The following EGFR variants were observed in gnomAD, a reference collection of about 807,000 sequenced individuals.
EGFR encodes the protein epidermal growth factor receptor.
EGFR carries 58 observed loss-of-function variants against 143.0 expected under a neutral mutation model. That is an observed-to-expected ratio of 0.41 (90% CI 0.33 to 0.50). The LOEUF (loss-of-function observed/expected upper bound fraction) is 0.50. EGFR is among the 20% of genes least tolerant of loss of function. The probability of loss-of-function intolerance (pLI) is 0.39; values close to 1 mark genes in which losing one functional copy is unlikely to be tolerated. For synonymous variants in EGFR, 613 were observed against 594.4 expected, an observed-to-expected ratio of 1.03 and a Z score of -0.45; for missense variants, 1,307 against 1,579.0, an observed-to-expected ratio of 0.83 and a Z score of 2.92.
At chr7:55,165,640 C>G (rs552226961) in intron 15 of EGFR, among the ~76,000 whole-genome samples, 1 of 152,166 alleles carries the variant, frequency 6.6e-6, no homozygotes, top group Admixed American at 6.5e-5. Context: ...TGCCATGCAC[C>G]GTGTCCCCGG....
chr7:55,058,055 A>G (rs1788933302), intron 1 of EGFR, among the ~76,000 whole-genome samples: 1 of 152,214 alleles, frequency 6.6e-6, no homozygotes, highest in Admixed American at 6.5e-5. Context: ...TTGACCCACC[A>G]ATCTCATTAC....
At chr7:55,143,971 G>A (rs541767668) in intron 3 of EGFR, among the ~76,000 whole-genome samples, 1 of 152,278 alleles carries the variant, frequency 6.6e-6, no homozygotes, top group East Asian at 1.9e-4. Flanking sequence ...CTAGAACTTT[G>A]AATTTTTGTG....
chr7:55,042,703 A>G (rs1477863218), intron 1 of EGFR, among the ~76,000 whole-genome samples: 2 of 152,148 alleles, frequency 1.3e-5, no homozygotes, highest in African/African-American at 2.4e-5. Context: ...GACATAACAT[A>G]TAGGGGAATC....
chr7:55,172,819 T>C (rs1255615926), intron 16 of EGFR, 164 bp from the exon 17 acceptor site: 1 of 1,548,240 alleles, frequency 6.5e-7, no homozygotes, highest in Non-Finnish European at 8.7e-7. Context: ...AAACGTTGCC[T>C]TAGAAGCCTG....
At chr7:55,192,583 C>T in intron 21 of EGFR, among the ~76,000 whole-genome samples, 183 bp from the exon 22 acceptor site, 1 of 152,196 alleles carries the variant, frequency 6.6e-6, no homozygotes, top group East Asian at 1.9e-4. Context: ...CCAGAGCAGC[C>T]CTGAACTCCG....
intron 19 of EGFR, among the ~76,000 whole-genome samples, chr7:55,178,433 G>A (rs1190197228): frequency 6.6e-6 from 1 of 152,186 alleles, no homozygotes; most frequent in East Asian, 1.9e-4. Flanking sequence ...CACCCAACAG[G>A]CCCCACAGGC....
At chr7:55,046,395 A>G (rs1334393338) in intron 1 of EGFR, among the ~76,000 whole-genome samples, 1 of 152,164 alleles carries the variant, frequency 6.6e-6, no homozygotes, top group Non-Finnish European at 1.5e-5. Flanking sequence ...CCTACTTCCA[A>G]AATAATGAAG....
At chr7:55,040,583 T>C (rs1787845059) in intron 1 of EGFR, among the ~76,000 whole-genome samples, 1 of 152,248 alleles carries the variant, frequency 6.6e-6, no homozygotes, top group Non-Finnish European at 1.5e-5. Context: ...ACTCTTACTC[T>C]GCATTTTATC....
chr7:55,047,069 A>G (rs1788218080), intron 1 of EGFR, among the ~76,000 whole-genome samples: 1 of 152,242 alleles, frequency 6.6e-6, no homozygotes, highest in African/African-American at 2.4e-5. Context: ...TGTAAAAGTT[A>G]CCGGTACGAT....
intron 21 of EGFR, 137 bp from the exon 22 acceptor site, chr7:55,192,629 C>T (rs1787448663): frequency 9.0e-6 from 7 of 780,778 alleles, no homozygotes; most frequent in Middle Eastern, 2.5e-4. Flanking sequence ...GAGGAGGCGC[C>T]GGGCCTGGGG....
intron 14 of EGFR, among the ~76,000 whole-genome samples, chr7:55,164,083 G>A (rs372277081): frequency 2.6e-5 from 4 of 152,242 alleles, no homozygotes; most frequent in African/African-American, 9.6e-5. Flanking sequence ...CACATTTAAC[G>A]GAGGCTGTTT....
At chr7:55,072,828 C>T (rs1789914648) in intron 1 of EGFR, among the ~76,000 whole-genome samples, 1 of 152,146 alleles carries the variant, frequency 6.6e-6, no homozygotes, top group Admixed American at 6.5e-5. Context: ...AGTGAACCTG[C>T]CTTCTTTCCT....
intron 20 of EGFR, among the ~76,000 whole-genome samples, chr7:55,185,523 G>A (rs1301616633): frequency 6.6e-6 from 1 of 152,230 alleles, no homozygotes; most frequent in Non-Finnish European, 1.5e-5. Context: ...TCTCCCCGTG[G>A]AGCCTCCCAT....
At chr7:55,200,746 C>T (rs992739091) in intron 24 of EGFR, 3 of 496,394 alleles carry the variant, frequency 6.0e-6, no homozygotes, top group African/African-American at 5.7e-5. Flanking sequence ...TGGCTTCACA[C>T]CCCTGACTCT....
intron 1 of EGFR, among the ~76,000 whole-genome samples, chr7:55,085,030 G>C (rs749398609): frequency 6.6e-6 from 1 of 152,098 alleles, no homozygotes; most frequent in African/African-American, 2.4e-5. Flanking sequence ...GGAATGGTAC[G>C]CTCAAATGCA....
At chr7:55,120,685 T>C (rs1793149206) in intron 1 of EGFR, among the ~76,000 whole-genome samples, 1 of 152,182 alleles carries the variant, frequency 6.6e-6, no homozygotes, top group South Asian at 2.1e-4. Context: ...CAGTGAGCAC[T>C]TGCTGAATGG....
rs1788228440 is a variant in EGFR at position 55,211,183 on chromosome 7, A to G, written c.*5566A>G. On this transcript the variant is annotated 3_prime_UTR_variant, in exon 28 of 28. Transcript: ENST00000275493. ...ACCCTATCACCTAGCAGATAAAACT[A>G]TGGGGAAAACTTAAATCTGTGCATA... is the stretch of plus-strand genomic sequence containing the variant. The G allele has an allele frequency of 6.6e-6, 1 of 152,162 alleles. No individual in the cohort carries two copies. Among genetic ancestry groups the G allele is most frequent in the Non-Finnish European group, 1.5e-5 (1 of 68,036 alleles). The allele number at this position is 152,162 out of a possible 1,614,324, so 9.4% of individuals were successfully genotyped here.
chr7:55,187,440 G>A (rs946392419), intron 20 of EGFR, among the ~76,000 whole-genome samples: 2 of 152,148 alleles, frequency 1.3e-5, no homozygotes, highest in African/African-American at 4.8e-5. Context: ...CAGCCTCTCA[G>A]CCTGCATGGA....
intron 19 of EGFR, chr7:55,180,180 C>T (rs554901331): frequency 2.6e-4 from 39 of 152,428 alleles, no homozygotes; most frequent in African/African-American, 8.9e-4. Context: ...ACACTCAAAA[C>T]ATAGGCATTG....
Sources: allele counts gnomAD v4.1 joint callset (sites outside exome capture counted in the v4.1 genomes callset), GRCh38; gene constraint gnomAD v4.1.1; transcripts MANE v1.5; gene names NCBI Gene and HGNC (gene_info 2026-07-23, HGNC 2026-07-21).